CNEP1R1: variants seen among roughly 807,000 people sequenced by gnomAD.
CNEP1R1 encodes CTD nuclear envelope phosphatase 1 regulatory subunit 1, also known as nuclear envelope phosphatase-regulatory subunit 1.
Under a neutral mutation model 22.7 loss-of-function variants are expected in CNEP1R1, and 10 were observed. That is an observed-to-expected ratio of 0.44 (90% CI 0.27 to 0.75). The LOEUF (loss-of-function observed/expected upper bound fraction) is 0.75. Ranked by LOEUF, CNEP1R1 falls within the 30% of genes least tolerant of loss-of-function variation. The pLI is 0.17. For missense variants in CNEP1R1, 73 were observed against 151.5 expected (o/e 0.48, Z 2.72); for synonymous variants, 53 against 50.1 (o/e 1.06, Z -0.25).
intron 2 of CNEP1R1, 22 bp downstream of exon 2, chr16:50,026,489 T>C: frequency 6.4e-7 from 1 of 1,551,558 alleles, no homozygotes; most frequent in African/African-American, 1.4e-5. Flanking sequence ...AATGTTATTT[T>C]AAGGGAAAAC....
chr16:50,025,924 GC>G (rs35256211), intron 1 of CNEP1R1: 5 of 551,068 alleles, frequency 9.1e-6, no homozygotes, highest in Non-Finnish European at 1.6e-5. Context: ...AGACGGCGTA[GC>G]CATTAATTAA....
At chr16:50,025,878 C>G in intron 1 of CNEP1R1, 2 of 601,548 alleles carry the variant, frequency 3.3e-6, no homozygotes, top group Non-Finnish European at 5.9e-6. Context: ...CTTTCCACAC[C>G]CACTCGCTAT....
At chr16:50,028,331 A>G (rs2036204233) in intron 2 of CNEP1R1, among the ~76,000 whole-genome samples, 1 of 152,232 alleles carries the variant, frequency 6.6e-6, no homozygotes, top group Non-Finnish European at 1.5e-5. Flanking sequence ...GTAGTAGCAC[A>G]CATTGAGGAT....
rs1380118059 is a variant in CNEP1R1 at position 50,026,278 on chromosome 16, G to A, written c.26-118G>A. 18 of 689,814 alleles carry A rather than the reference G, an allele frequency of 2.6e-5. No individual in the cohort carries two copies. In the South Asian group the frequency reaches 2.9e-4, roughly 11 times the overall value. The allele number at this position is 689,814 out of a possible 1,614,324, so 42.7% of individuals were successfully genotyped here. On this transcript the variant is annotated intron_variant, in intron 1 of 5. Transcript: ENST00000427478. ...TGCAGTGATACATGGAAGTTAGTGT[G>A]TAAGACCTGAAGCAGTTAAGAGTAT...
Position 50,036,243 on chromosome 16 carries a change from A to AT in CNEP1R1, c.*787dup, listed in dbSNP as rs1254499727. The AT allele has an allele frequency of 6.7e-6, 1 of 148,934 alleles. No individual in the cohort carries two copies. The highest frequency in any genetic ancestry group is 1.5e-5 in the Non-Finnish European group (1 of 67,860). 9.2% of individuals were successfully genotyped at this position (148,934 alleles called of 1,614,324 possible). On this transcript the variant is annotated 3_prime_UTR_variant, in exon 6 of 6. Coordinates refer to ENST00000427478, the MANE Select transcript of CNEP1R1 (RefSeq NM_001281789.2). Reference sequence around the variant, plus strand: ...AACCTCTGCCTCCCAGGTTCAAGCGATTCTCCTGCTTCAGCCTTCTGAGTA... The same window carrying AT: ...AACCTCTGCCTCCCAGGTTCAAGCGATTTCTCCTGCTTCAGCCTTCTGAGTA...
chr16:50,034,425 T>G (rs2036258811), intron 5 of CNEP1R1: 1 of 434,418 alleles, frequency 2.3e-6, no homozygotes, highest in Non-Finnish European at 4.2e-6. Flanking sequence ...TTATAACTGA[T>G]GCATCTTAGA....
chr16:50,032,946 A>T (rs2036244059), intron 3 of CNEP1R1, among the ~76,000 whole-genome samples: 1 of 151,864 alleles, frequency 6.6e-6, no homozygotes, highest in Non-Finnish European at 1.5e-5. Context: ...TGGAGGTTGC[A>T]GTGACCTGAG....
chr16:50,034,206 A>C, intron 5 of CNEP1R1, 50 bp downstream of exon 5: 1 of 1,366,678 alleles, frequency 7.3e-7, no homozygotes, highest in Non-Finnish European at 1.0e-6. Flanking sequence ...AAAACACTGA[A>C]ATTTTTGGCT....
At chr16:50,027,694 G>A (rs1597116706) in intron 2 of CNEP1R1, among the ~76,000 whole-genome samples, 2 of 150,510 alleles carry the variant, frequency 1.3e-5, no homozygotes, top group African/African-American at 2.4e-5. Flanking sequence ...AAAAAAAAAA[G>A]TAAAGTCATG....
intron 3 of CNEP1R1, 64 bp from the exon 4 acceptor site, chr16:50,033,333 G>A: frequency 1.5e-6 from 1 of 686,970 alleles, no homozygotes; most frequent in East Asian, 2.8e-5. Context: ...GTACAAGTGG[G>A]GAGGTAGGAA....
rs1172125686 is a variant in CNEP1R1, at chr16:50,036,708, T to C, written c.*1250T>C. ...ATACTGTGTATGCATAATAGCCGCA[T>C]GTACTATAATAGCCCTTAAAATTAA... On this transcript the variant is annotated 3_prime_UTR_variant, in exon 6 of 6. Coordinates refer to ENST00000427478, the MANE Select transcript of CNEP1R1 (RefSeq NM_001281789.2). 3.9e-5 allele frequency: 6 copies of C among 152,658 alleles called. No individual in the cohort carries two copies. The highest frequency in any genetic ancestry group is 8.8e-5 in the Non-Finnish European group (6 of 68,034). The allele number at this position is 152,658 out of a possible 1,614,324, so 9.5% of individuals were successfully genotyped here. A position where few individuals can be genotyped will look rare whatever the true frequency, so the allele number is the denominator to read the frequency against.
In CNEP1R1 at chr16:50,029,773, G is replaced by T; in HGVS notation, c.146G>T (p.Trp49Leu). Residue 49 changes from tryptophan (W) to leucine (L), a missense_variant, in exon 3 of 6, where the codon TGG (tryptophan) becomes TTG (leucine). By Grantham distance (61) the Trp-to-Leu change is moderately conservative. Transcript: ENST00000427478. ...SVCTATGAWNWLIDPETQKVS... is the reference protein window; with the variant it reads ...SVCTATGAWNLLIDPETQKVS... ...TGTACAGCTACTGGTGCCTGGAACT[G>T]GTTAATAGACCCTGAGACACAAAAG... is the stretch of plus-strand genomic sequence containing the variant. 6.2e-7 allele frequency: 1 copy of T among 1,608,832 alleles called. No individual in the cohort carries two copies. The highest frequency in any genetic ancestry group is 1.1e-5 in the South Asian group (1 of 90,774).
At position 50,035,513 on chromosome 16, in the gene CNEP1R1, A is replaced by G. The variant is rs2036268366; in HGVS notation, c.*55A>G. ...AATAGCCTTTCTTCGAATAAGTGATACAGCAAAAAGCCATAAAGGATTCCT... is the reference window on the plus strand; with the variant it reads ...AATAGCCTTTCTTCGAATAAGTGATGCAGCAAAAAGCCATAAAGGATTCCT... On this transcript the variant is annotated 3_prime_UTR_variant, in exon 6 of 6. Transcript: ENST00000427478. The G allele has an allele frequency of 2.3e-6, 3 of 1,318,144 alleles. No individual in the cohort carries two copies. The highest frequency in any genetic ancestry group is 2.6e-5 in the South Asian group (2 of 78,430). 81.7% of individuals were successfully genotyped at this position (1,318,144 alleles called of 1,614,324 possible).
At chr16:50,030,737 C>G (rs1019647614) in intron 3 of CNEP1R1, among the ~76,000 whole-genome samples, 1 of 152,204 alleles carries the variant, frequency 6.6e-6, no homozygotes, top group African/African-American at 2.4e-5. Context: ...ACAGTTAATT[C>G]TGTGATTTTC....
At chr16:50,025,536 A>G in intron 1 of CNEP1R1, 196 bp downstream of exon 1, 5 of 1,166,442 alleles carry the variant, frequency 4.3e-6, no homozygotes, top group Non-Finnish European at 6.1e-6. Flanking sequence ...CTGAGTCCCC[A>G]CAAACCTAGA....
intron 4 of CNEP1R1, 44 bp downstream of exon 4, chr16:50,033,550 G>C (rs1339114783): frequency 9.5e-7 from 1 of 1,056,690 alleles, no homozygotes; most frequent in South Asian, 1.3e-5. Context: ...GAAGTGCTTT[G>C]TTGATCTAGG....
chr16:50,032,478 C>T (rs2036239324), intron 3 of CNEP1R1, among the ~76,000 whole-genome samples: 1 of 152,116 alleles, frequency 6.6e-6, no homozygotes. Flanking sequence ...CTTGAATGTC[C>T]TGTGGTCATT....
Position 50,035,403 on chromosome 16 carries a change from T to G in CNEP1R1, c.337-14T>G, listed in dbSNP as rs758379345. On this transcript the variant is annotated splice_polypyrimidine_tract_variant and intron_variant, in intron 5 of 5. Coordinates refer to ENST00000427478, the MANE Select transcript of CNEP1R1 (RefSeq NM_001281789.2). Reference sequence around the variant, plus strand: ...ACTGTGTATTGAAAAAATTCTGTCTTTTCATTTTTGCAGACAGGAAAACTA... The same window carrying G: ...ACTGTGTATTGAAAAAATTCTGTCTGTTCATTTTTGCAGACAGGAAAACTA... 6.6e-7 allele frequency: 1 copy of G among 1,523,150 alleles called. No individual in the cohort carries two copies. The highest frequency in any genetic ancestry group is 1.2e-5 in the South Asian group (1 of 84,604). The allele number at this position is 1,523,150 out of a possible 1,614,324, so 94.4% of individuals were successfully genotyped here.
chr16:50,031,472 G>A (rs2036230759), intron 3 of CNEP1R1, among the ~76,000 whole-genome samples: 1 of 152,056 alleles, frequency 6.6e-6, no homozygotes, highest in Non-Finnish European at 1.5e-5. Context: ...AGTGGAAAGA[G>A]GCTGGCAAGA....
Sources: gnomAD v4.1 joint callset for allele counts (sites outside exome capture counted in the v4.1 genomes callset) on GRCh38, gnomAD v4.1.1 for gene constraint, MANE v1.5 for transcripts, NCBI Gene and HGNC (gene_info 2026-07-23, HGNC 2026-07-21) for gene names.